Variants in JARID2 observed in about 807,000 individuals in gnomAD.
The protein encoded by JARID2 is protein Jumonji.
Under a neutral mutation model 125.6 loss-of-function variants are expected in JARID2, and 21 were observed. That is an observed-to-expected ratio of 0.17 (90% CI 0.12 to 0.24). The LOEUF (loss-of-function observed/expected upper bound fraction) is 0.24, where lower values mean the gene tolerates loss of function less well. Ranked by LOEUF, JARID2 falls within the 10% of genes least tolerant of loss-of-function variation. JARID2 has a pLI of 1.00. For missense variants in JARID2, 1,303 were observed against 1,639.6 expected (o/e 0.79, Z 3.55); for synonymous variants, 736 against 661.6 (o/e 1.11, Z -1.73).
intron 1 of JARID2, among the ~76,000 whole-genome samples, chr6:15,268,010 C>G (rs1467560899): frequency 6.6e-6 from 1 of 152,140 alleles, no homozygotes; most frequent in Non-Finnish European, 1.5e-5. Context: ...CACCCCAGAA[C>G]AGGGGATAGG....
chr6:15,467,990 A>G (rs560908675), intron 4 of JARID2, among the ~76,000 whole-genome samples: 1 of 152,166 alleles, frequency 6.6e-6, no homozygotes, highest in Non-Finnish European at 1.5e-5. Context: ...CAGCGTGGGA[A>G]TTTATTTGGG....
chr6:15,325,422 C>G (rs923502714), intron 1 of JARID2, among the ~76,000 whole-genome samples: 47 of 152,134 alleles, frequency 3.1e-4, no homozygotes, highest in Admixed American at 2.6e-3. Flanking sequence ...TATTAGGGAT[C>G]AGCGGTCTAG....
intron 3 of JARID2, 50 bp from the exon 4 acceptor site, chr6:15,451,956 A>G (rs1401976525): frequency 6.3e-7 from 1 of 1,582,552 alleles, no homozygotes; most frequent in African/African-American, 1.4e-5. Context: ...GTAGGCCTAT[A>G]TCCTCCAGTC....
chr6:15,307,641 G>T (rs894056740), intron 1 of JARID2, among the ~76,000 whole-genome samples: 4 of 152,072 alleles, frequency 2.6e-5, no homozygotes, highest in African/African-American at 9.7e-5. Context: ...CCTCATTTTT[G>T]GTATTTTTCT....
chr6:15,288,355 C>T (rs1272664970), intron 1 of JARID2, among the ~76,000 whole-genome samples: 3 of 152,032 alleles, frequency 2.0e-5, no homozygotes, highest in African/African-American at 7.2e-5. Flanking sequence ...ACCCAGATAT[C>T]ACAAGAACTC....
At chr6:15,343,612 G>A (rs1455539243) in intron 1 of JARID2, among the ~76,000 whole-genome samples, 2 of 152,150 alleles carry the variant, frequency 1.3e-5, no homozygotes, top group Non-Finnish European at 2.9e-5. Flanking sequence ...TGTATTTGGA[G>A]GGAGAGGAAG....
intron 3 of JARID2, among the ~76,000 whole-genome samples, chr6:15,447,798 C>T (rs936339354): frequency 5.3e-5 from 8 of 152,236 alleles, no homozygotes; most frequent in African/African-American, 1.4e-4. Flanking sequence ...CCTTTCTCCT[C>T]GTGCTTGCCA....
intron 2 of JARID2, among the ~76,000 whole-genome samples, chr6:15,399,527 A>G (rs934839498): frequency 2.0e-5 from 3 of 152,068 alleles, no homozygotes; most frequent in African/African-American, 7.2e-5. Context: ...ATGTATATAT[A>G]TATTTATGTT....
chr6:15,425,912 C>T (rs1236699906), intron 3 of JARID2, among the ~76,000 whole-genome samples: 1 of 152,058 alleles, frequency 6.6e-6, no homozygotes. Flanking sequence ...GTAATAAGAG[C>T]GAGAAAAGGA....
chr6:15,481,148 T>A (rs2179167), intron 5 of JARID2, among the ~76,000 whole-genome samples: 2 of 152,156 alleles, frequency 1.3e-5, no homozygotes, highest in Non-Finnish European at 2.9e-5. Flanking sequence ...ATCAAAATAA[T>A]AGCCTTTGGA....
intron 3 of JARID2, among the ~76,000 whole-genome samples, chr6:15,427,274 C>A (rs1243462724): frequency 2.0e-5 from 3 of 152,162 alleles, no homozygotes; most frequent in Non-Finnish European, 4.4e-5. Context: ...ATATTTGCAT[C>A]CTCTGCAGGT....
intron 4 of JARID2, among the ~76,000 whole-genome samples, chr6:15,456,428 C>T (rs1443747489): frequency 6.6e-6 from 1 of 152,168 alleles, no homozygotes; most frequent in African/African-American, 2.4e-5. Context: ...AAAAAATGCT[C>T]TGAACCTTTG....
chr6:15,442,574 C>T (rs1006441904), intron 3 of JARID2, among the ~76,000 whole-genome samples: 1 of 152,210 alleles, frequency 6.6e-6, no homozygotes, highest in Non-Finnish European at 1.5e-5. Context: ...GCTCTTCCCT[C>T]CTGGGCTTGG....
chr6:15,397,142 A>G (rs1353965526), intron 2 of JARID2, among the ~76,000 whole-genome samples: 1 of 152,208 alleles, frequency 6.6e-6, no homozygotes, highest in Non-Finnish European at 1.5e-5. Flanking sequence ...CCAACAGGTA[A>G]CATTTATTAT....
At chr6:15,311,631 T>A (rs1762016717) in intron 1 of JARID2, among the ~76,000 whole-genome samples, 1 of 152,000 alleles carries the variant, frequency 6.6e-6, no homozygotes, top group South Asian at 2.1e-4. Flanking sequence ...GCCTTTTCTC[T>A]CCCACAGGTA....
intron 8 of JARID2, among the ~76,000 whole-genome samples, chr6:15,503,335 A>C (rs1403769865): frequency 6.6e-6 from 1 of 152,336 alleles, no homozygotes; most frequent in African/African-American, 2.4e-5. Context: ...TGGAATTTGC[A>C]TGGAAGTACG....
intron 2 of JARID2, among the ~76,000 whole-genome samples, chr6:15,406,812 A>G (rs1185882005): frequency 6.6e-6 from 1 of 152,218 alleles, no homozygotes; most frequent in African/African-American, 2.4e-5. Context: ...GTTGGGGAGA[A>G]CATTACACAT....
chr6:15,340,924 A>G (rs922469380), intron 1 of JARID2, among the ~76,000 whole-genome samples: 7 of 152,192 alleles, frequency 4.6e-5, no homozygotes, highest in Admixed American at 1.3e-4. Flanking sequence ...CTTTCTCTGC[A>G]TAGTAATTTA....
Position 15,500,139 on chromosome 6 carries a change from A to G in JARID2, c.1946-768A>G, listed in dbSNP as rs1350851118. Among the ~76,000 whole-genome samples the G allele has an allele frequency of 3.9e-5, 6 of 152,140 alleles. No homozygotes were observed. In the South Asian group the frequency reaches 6.2e-4, roughly 16 times the overall value. On this transcript the variant is annotated intron_variant, in intron 7 of 17. Coordinates refer to ENST00000341776, the MANE Select transcript of JARID2 (RefSeq NM_004973.4). ...TGCTTTCTCCATTCCCATCTAGAAA[A>G]GCCACTGGGCGCGCGTTAAAACCTG...
Sources: gnomAD v4.1 joint callset for allele counts (sites outside exome capture counted in the v4.1 genomes callset) on GRCh38, gnomAD v4.1.1 for gene constraint, MANE v1.5 for transcripts, NCBI Gene and HGNC (gene_info 2026-07-23, HGNC 2026-07-21) for gene names.